Variants in AGBL4 observed in about 807,000 individuals in gnomAD.
AGBL4 encodes cytosolic carboxypeptidase 6.
A neutral mutation model predicts 66.4 loss-of-function variants in AGBL4; 58 were observed. That is an observed-to-expected ratio of 0.87 (90% CI 0.71 to 1.09). The LOEUF (loss-of-function observed/expected upper bound fraction) is 1.09. AGBL4 is among the 50% of genes least tolerant of loss of function. AGBL4 has a pLI of 0.00. For synonymous variants in AGBL4, 234 were observed against 222.9 expected (o/e 1.05, Z -0.44); for missense variants, 579 against 631.0 (o/e 0.92, Z 0.88).
intron 3 of AGBL4, among the ~76,000 whole-genome samples, chr1:49,554,885 C>T (rs373402994): frequency 2.0e-5 from 3 of 151,680 alleles, no homozygotes; most frequent in East Asian, 1.9e-4. Flanking sequence ...TGGAGTTGTT[C>T]GTTCCTTCTG....
chr1:49,747,936 G>GTGTGTGTT (rs1410894474), intron 2 of AGBL4, among the ~76,000 whole-genome samples: 1 of 93,978 alleles, frequency 1.1e-5, no homozygotes, highest in African/African-American at 4.5e-5. Context: ...TAAAAGGAGT[G>GTGTGTGTT]TGTGTGTTTG....
At chr1:49,936,734 A>T (rs1297128633) in intron 1 of AGBL4, among the ~76,000 whole-genome samples, 5 of 152,076 alleles carry the variant, frequency 3.3e-5, no homozygotes, top group African/African-American at 1.2e-4. Flanking sequence ...ATCCAGCCAA[A>T]CTAAGCTTCA....
intron 3 of AGBL4, among the ~76,000 whole-genome samples, chr1:49,432,236 A>T (rs2148658162): frequency 6.6e-6 from 1 of 152,320 alleles, no homozygotes; most frequent in Admixed American, 6.5e-5. Context: ...AAAGAAGTTA[A>T]TTACTAATGT....
At chr1:49,214,503 A>G (rs1466273270) in intron 4 of AGBL4, among the ~76,000 whole-genome samples, 1 of 152,116 alleles carries the variant, frequency 6.6e-6, no homozygotes, top group East Asian at 1.9e-4. Context: ...TGGCAGGTTT[A>G]TCAGAACTCT....
intron 1 of AGBL4, among the ~76,000 whole-genome samples, chr1:49,939,744 T>G (rs1377306276): frequency 6.6e-6 from 1 of 152,064 alleles, no homozygotes; most frequent in Non-Finnish European, 1.5e-5. Context: ...AAACCATGAA[T>G]AACCTAGAAG....
chr1:49,598,265 C>T (rs1310615774), intron 3 of AGBL4, among the ~76,000 whole-genome samples: 10 of 152,220 alleles, frequency 6.6e-5, no homozygotes, highest in African/African-American at 1.2e-4. Flanking sequence ...TGAGGAACTG[C>T]GTTCCTTTGG....
intron 2 of AGBL4, among the ~76,000 whole-genome samples, chr1:49,787,869 C>CT (rs1158812103): frequency 6.6e-6 from 1 of 152,088 alleles, no homozygotes; most frequent in Non-Finnish European, 1.5e-5. Context: ...ACCCAGGGGC[C>CT]TTTTTTGCGG....
intron 4 of AGBL4, among the ~76,000 whole-genome samples, chr1:49,092,241 G>A (rs1645015758): frequency 6.6e-6 from 1 of 152,100 alleles, no homozygotes; most frequent in East Asian, 1.9e-4. Context: ...TGTTTCTCTG[G>A]AGAACTCTGA....
At chr1:49,123,070 G>T (rs949433812) in intron 4 of AGBL4, among the ~76,000 whole-genome samples, 4 of 152,088 alleles carry the variant, frequency 2.6e-5, no homozygotes, top group Non-Finnish European at 5.9e-5. Context: ...GGCCAGGCTG[G>T]TCTCAAACTC....
intron 6 of AGBL4, among the ~76,000 whole-genome samples, chr1:48,791,163 C>T (rs1645540596): frequency 6.6e-6 from 1 of 152,188 alleles, no homozygotes; most frequent in Non-Finnish European, 1.5e-5. Flanking sequence ...TCTAGTGGGC[C>T]TTATCGCTGT....
intron 2 of AGBL4, among the ~76,000 whole-genome samples, chr1:49,725,305 T>C (rs536714098): frequency 6.6e-6 from 1 of 152,290 alleles, no homozygotes; most frequent in South Asian, 2.1e-4. Context: ...GCTTGCTGAG[T>C]TCATGTCAAA....
At position 49,445,724 on chromosome 1, in the gene AGBL4, A is replaced by G. The variant is rs908521969; in HGVS notation, c.283-199860T>C. 3.3e-5 allele frequency among the ~76,000 whole-genome samples: 5 copies of G among 152,154 alleles called. No individual in the cohort carries two copies. In the East Asian group the frequency reaches 9.7e-4, roughly 29 times the overall value. On this transcript the variant is annotated intron_variant, in intron 3 of 13. Transcript: ENST00000371839. ...GAATTTCTATTTGGTTCTTTTTAAA[A>G]ATACCTATCTCTTTGGTAAATTTCC...
At chr1:49,430,806 A>T (rs1645769264) in intron 3 of AGBL4, among the ~76,000 whole-genome samples, 1 of 152,338 alleles carries the variant, frequency 6.6e-6, no homozygotes, top group South Asian at 2.1e-4. Flanking sequence ...TGCTAGCCAT[A>T]GCAAGGATAA....
intron 4 of AGBL4, among the ~76,000 whole-genome samples, chr1:49,138,203 C>T (rs1390947326): frequency 6.6e-6 from 1 of 151,928 alleles, no homozygotes; most frequent in Non-Finnish European, 1.5e-5. Context: ...GTTGTCCCTG[C>T]CAGGTGAGTA....
intron 5 of AGBL4, among the ~76,000 whole-genome samples, chr1:48,868,830 G>A (rs1161724011): frequency 6.6e-6 from 1 of 152,024 alleles, no homozygotes; most frequent in Non-Finnish European, 1.5e-5. Flanking sequence ...TTTTTGGTTA[G>A]ACAGGTCTAC....
chr1:49,988,987 T>C (rs1358392714), intron 1 of AGBL4, among the ~76,000 whole-genome samples: 1 of 152,156 alleles, frequency 6.6e-6, no homozygotes, highest in African/African-American at 2.4e-5. Flanking sequence ...ACTTCATGCA[T>C]AACACACACA....
chr1:49,229,809 G>T (rs1311605577), intron 4 of AGBL4, among the ~76,000 whole-genome samples: 1 of 152,130 alleles, frequency 6.6e-6, no homozygotes, highest in African/African-American at 2.4e-5. Flanking sequence ...ACCAGGGCTG[G>T]GAAGAGGCTA....
intron 2 of AGBL4, among the ~76,000 whole-genome samples, chr1:49,795,373 T>G: frequency 6.6e-6 from 1 of 151,986 alleles, no homozygotes; most frequent in South Asian, 2.1e-4. Context: ...CATCAGGAAC[T>G]AAGTAAAGGT....
At chr1:49,063,856 G>C (rs912468824) in intron 4 of AGBL4, among the ~76,000 whole-genome samples, 1 of 151,372 alleles carries the variant, frequency 6.6e-6, no homozygotes, top group African/African-American at 2.4e-5. Flanking sequence ...TGTTGCTTCT[G>C]TTCCTCCAGG....
Sources: gnomAD v4.1 joint callset for allele counts (sites outside exome capture counted in the v4.1 genomes callset) on GRCh38, gnomAD v4.1.1 for gene constraint, MANE v1.5 for transcripts, NCBI Gene and HGNC (gene_info 2026-07-23, HGNC 2026-07-21) for gene names.